Variants in PHLPP1 observed in about 807,000 individuals in gnomAD.
PHLPP1 encodes the protein PH domain leucine-rich repeat-containing protein phosphatase 1.
Under a neutral mutation model 117.2 loss-of-function variants are expected in PHLPP1, and 42 were observed. The observed-to-expected ratio is 0.36, with a 90% CI of 0.28 to 0.46. The LOEUF is 0.46. Among genes scored for constraint, PHLPP1 ranks in the 20% least tolerant of loss-of-function variants. PHLPP1 has a pLI of 1.00. For synonymous variants in PHLPP1, 1,042 were observed against 970.7 expected, an observed-to-expected ratio of 1.07 and a Z score of -1.37; for missense variants, 2,084 against 2,241.9, an observed-to-expected ratio of 0.93 and a Z score of 1.42.
intron 12 of PHLPP1, among the ~76,000 whole-genome samples, chr18:62,953,045 C>T (rs943485411): frequency 6.6e-6 from 1 of 152,172 alleles, no homozygotes; most frequent in African/African-American, 2.4e-5. Flanking sequence ...ATCAACATCC[C>T]ACGTTAGTGA....
At chr18:62,760,651 T>G (rs995691812) in intron 1 of PHLPP1, among the ~76,000 whole-genome samples, 1 of 152,210 alleles carries the variant, frequency 6.6e-6, no homozygotes, top group African/African-American at 2.4e-5. Flanking sequence ...GTTGCCCTTC[T>G]TTAGTTTTCT....
intron 1 of PHLPP1, chr18:62,779,490 G>A (rs2144276765): frequency 6.6e-6 from 1 of 152,328 alleles, no homozygotes; most frequent in Middle Eastern, 3.4e-3. Flanking sequence ...CTTGGTGAGT[G>A]TGCAGAGGGA....
At chr18:62,905,054 TTC>T (rs1916810969) in intron 7 of PHLPP1, among the ~76,000 whole-genome samples, 168 bp from the exon 8 acceptor site, 1 of 152,234 alleles carries the variant, frequency 6.6e-6, no homozygotes, top group Non-Finnish European at 1.5e-5. Context: ...TGATTAAAAG[TTC>T]TTTTTTACTT....
At chr18:62,735,970 A>T (rs1025424329) in intron 1 of PHLPP1, among the ~76,000 whole-genome samples, 8 of 135,242 alleles carry the variant, frequency 5.9e-5, no homozygotes, top group South Asian at 4.4e-4. Context: ...ATAAAAAATT[A>T]AAAAAAAAAA....
intron 10 of PHLPP1, among the ~76,000 whole-genome samples, chr18:62,931,844 G>A (rs1345329501): frequency 2.1e-5 from 3 of 140,472 alleles, no homozygotes; most frequent in East Asian, 2.2e-4. Flanking sequence ...ACAGTGAGCC[G>A]AGATGGCGCC....
In PHLPP1 at chr18:62,923,132, C is replaced by T. The variant is rs545832319; in HGVS notation, c.2960+3018C>T. Among the ~76,000 whole-genome samples the T allele has an allele frequency of 7.2e-4, 109 of 152,248 alleles. 1 individual carries two copies. Among genetic ancestry groups the T allele is most frequent in the African/African-American group, 2.6e-3 (106 of 41,542 alleles). Reference sequence around the variant, plus strand: ...TAGCTAAAGGCATTTAGGCAGAAATCCCCATACAAATAGACTGACCTGTCT... The same window carrying T: ...TAGCTAAAGGCATTTAGGCAGAAATTCCCATACAAATAGACTGACCTGTCT... On this transcript the variant is annotated intron_variant, in intron 10 of 16. Coordinates refer to ENST00000262719, the MANE Select transcript of PHLPP1 (RefSeq NM_194449.4).
chr18:62,760,577 C>T (rs1051937928), intron 1 of PHLPP1, among the ~76,000 whole-genome samples: 6 of 152,174 alleles, frequency 3.9e-5, no homozygotes, highest in Non-Finnish European at 7.3e-5. Flanking sequence ...CCGATTCCTC[C>T]TGTGTGGAAT....
chr18:62,723,911 G>C (rs571784383), intron 1 of PHLPP1, among the ~76,000 whole-genome samples: 2 of 152,132 alleles, frequency 1.3e-5, no homozygotes, highest in Non-Finnish European at 2.9e-5. Context: ...CTTCCAACTC[G>C]TAACATTCTG....
At chr18:62,874,653 G>GCT (rs767824896) in intron 4 of PHLPP1, among the ~76,000 whole-genome samples, 1 of 63,274 alleles carries the variant, frequency 1.6e-5, no homozygotes, top group Non-Finnish European at 3.5e-5. Flanking sequence ...GCGCACGCAC[G>GCT]CGCGCACACA....
Position 62,975,640 on chromosome 18 carries a change from G to T in PHLPP1, c.3984+15G>T, listed in dbSNP as rs776328795. ...TTATCACTGAGGTGAGAAAACAGGG[G>T]TGTTGCCCAGGATGGTGGAGAGGAG... On this transcript the variant is annotated intron_variant, in intron 16 of 16. Coordinates refer to ENST00000262719, the MANE Select transcript of PHLPP1 (RefSeq NM_194449.4). 5.8e-6 allele frequency: 9 copies of T among 1,546,972 alleles called. No homozygotes were observed. The highest frequency in any genetic ancestry group is 5.4e-5 in the African/African-American group (4 of 73,594).
intron 1 of PHLPP1, among the ~76,000 whole-genome samples, chr18:62,787,276 C>T (rs1465659783): frequency 6.6e-6 from 1 of 152,186 alleles, no homozygotes; most frequent in African/African-American, 2.4e-5. Flanking sequence ...AAATGATTCT[C>T]CTGCCTCAGC....
At chr18:62,737,274 G>C (rs532056346) in intron 1 of PHLPP1, among the ~76,000 whole-genome samples, 2 of 152,284 alleles carry the variant, frequency 1.3e-5, no homozygotes, top group East Asian at 3.9e-4. Context: ...GAGTAGTTTG[G>C]AGTGGTGAAA....
intron 1 of PHLPP1, among the ~76,000 whole-genome samples, chr18:62,826,534 T>C (rs1283776192): frequency 6.6e-6 from 1 of 152,210 alleles, no homozygotes; most frequent in Non-Finnish European, 1.5e-5. Context: ...TTATAGATTT[T>C]GCTTTAAGCA....
chr18:62,730,942 A>G (rs928458784), intron 1 of PHLPP1, among the ~76,000 whole-genome samples: 1 of 152,344 alleles, frequency 6.6e-6, no homozygotes. Context: ...TGTTAATTAG[A>G]GTTAATTAGG....
At chr18:62,772,830 C>CAAAAA (rs59776161) in intron 1 of PHLPP1, among the ~76,000 whole-genome samples, 2,129 of 60,902 alleles carry the variant, frequency 0.035, 31 homozygotes, top group South Asian at 0.06. Context: ...GACTCTTTCT[C>CAAAAA]AAAAAAAAAA....
chr18:62,756,463 A>G (rs1430664393), intron 1 of PHLPP1, among the ~76,000 whole-genome samples: 4 of 152,244 alleles, frequency 2.6e-5, no homozygotes, highest in South Asian at 4.1e-4. Flanking sequence ...TTATTTCACA[A>G]CATTGAGAAT....
intron 4 of PHLPP1, among the ~76,000 whole-genome samples, chr18:62,876,206 T>C (rs936384290): frequency 1.3e-5 from 2 of 152,176 alleles, no homozygotes; most frequent in Admixed American, 1.3e-4. Context: ...AAATGGACCG[T>C]ATGAAACTGG....
At chr18:62,867,022 T>A (rs1259976163) in intron 4 of PHLPP1, among the ~76,000 whole-genome samples, 1 of 152,214 alleles carries the variant, frequency 6.6e-6, no homozygotes, top group African/African-American at 2.4e-5. Flanking sequence ...TTTACATTTC[T>A]TGGTTTTGTT....
At chr18:62,935,952 G>A (rs942751069) in intron 10 of PHLPP1, among the ~76,000 whole-genome samples, 1 of 152,120 alleles carries the variant, frequency 6.6e-6, no homozygotes, top group Non-Finnish European at 1.5e-5. Flanking sequence ...GCAGTGAGCC[G>A]AGATCAAGCC....
Sources: gnomAD v4.1 joint callset for allele counts (sites outside exome capture counted in the v4.1 genomes callset) on GRCh38, gnomAD v4.1.1 for gene constraint, MANE v1.5 for transcripts, NCBI Gene and HGNC (gene_info 2026-07-23, HGNC 2026-07-21) for gene names.